The following TENM3 variants were observed in gnomAD, a reference collection of about 807,000 sequenced individuals.
TENM3 encodes the protein teneurin transmembrane protein 3.
Under a neutral mutation model 255.1 loss-of-function variants are expected in TENM3, and 63 were observed. The observed-to-expected ratio is 0.25, with a 90% CI of 0.20 to 0.30. TENM3 has a LOEUF of 0.30. TENM3 is among the 10% of genes least tolerant of loss of function. TENM3 has a pLI of 1.00. For synonymous variants in TENM3, 1,306 were observed against 1,322.3 expected (o/e 0.99, Z 0.27); for missense variants, 2,929 against 3,461.1 (o/e 0.85, Z 3.86).
At chr4:181,999,661 A>G in the TENM3 span, among the ~76,000 whole-genome samples, 1 of 152,184 alleles carries the variant, frequency 6.6e-6, no homozygotes, top group African/African-American at 2.4e-5. Context: ...ATGAAGGGGA[A>G]GACCTCCAGG....
chr4:182,764,263 T>C (rs1231021863), intron 22 of TENM3, among the ~76,000 whole-genome samples: 1 of 152,240 alleles, frequency 6.6e-6, no homozygotes, highest in Non-Finnish European at 1.5e-5. Context: ...TTTCCTGGCA[T>C]TCATTCATTC....
At chr4:182,333,689 C>A (rs1187943462) in intron 2 of TENM3, among the ~76,000 whole-genome samples, 2 of 152,080 alleles carry the variant, frequency 1.3e-5, no homozygotes, top group Non-Finnish European at 2.9e-5. Context: ...CCTATTCTCA[C>A]AATTATTATT....
chr4:181,847,942 A>C, the TENM3 span, among the ~76,000 whole-genome samples: 2 of 152,188 alleles, frequency 1.3e-5, no homozygotes, highest in Admixed American at 6.5e-5. Context: ...TAAAATTCAC[A>C]ATGTCGGTCC....
chr4:182,520,248 C>A (rs1738431601), intron 3 of TENM3, among the ~76,000 whole-genome samples: 1 of 152,050 alleles, frequency 6.6e-6, no homozygotes, highest in Non-Finnish European at 1.5e-5. Context: ...TCATAAGATA[C>A]AAGACCAGTA....
At chr4:181,856,185 G>A in the TENM3 span, among the ~76,000 whole-genome samples, 5 of 150,330 alleles carry the variant, frequency 3.3e-5, no homozygotes, top group South Asian at 6.4e-4. Context: ...AGGGAAGGAA[G>A]GGAGGGAGGG....
At chr4:181,966,050 T>C in the TENM3 span, among the ~76,000 whole-genome samples, 1 of 152,216 alleles carries the variant, frequency 6.6e-6, no homozygotes, top group Non-Finnish European at 1.5e-5. Flanking sequence ...CTTTTATCAA[T>C]TTCTTAAAAT....
chr4:181,558,749 T>A, the TENM3 span, among the ~76,000 whole-genome samples: 402 of 152,332 alleles, frequency 2.6e-3, 1 homozygote, highest in African/African-American at 8.8e-3. Context: ...TATCACCAAC[T>A]GCAATATGGC....
chr4:181,524,735 T>A, the TENM3 span, among the ~76,000 whole-genome samples: 6 of 152,126 alleles, frequency 3.9e-5, no homozygotes, highest in Non-Finnish European at 7.4e-5. Flanking sequence ...CTGTTTTGTT[T>A]TCTGTGCTTG....
intron 3 of TENM3, among the ~76,000 whole-genome samples, chr4:182,396,933 AC>A (rs1361636260): frequency 4.6e-5 from 7 of 151,368 alleles, no homozygotes; most frequent in African/African-American, 1.7e-4. Context: ...CTGCCCTCCA[AC>A]CTAGGTGACA....
At chr4:182,272,430 A>C (rs910397228) in intron 1 of TENM3, among the ~76,000 whole-genome samples, 1 of 152,214 alleles carries the variant, frequency 6.6e-6, no homozygotes, top group Non-Finnish European at 1.5e-5. Context: ...AAAGAAACAA[A>C]TGAAATGAGA....
At chr4:181,910,048 AAAT>A in the TENM3 span, among the ~76,000 whole-genome samples, 7 of 152,234 alleles carry the variant, frequency 4.6e-5, no homozygotes, top group African/African-American at 7.2e-5. Flanking sequence ...TTTATAAAGA[AAAT>A]AAAACGTATG....
chr4:181,949,890 C>T, the TENM3 span, among the ~76,000 whole-genome samples: 8 of 152,114 alleles, frequency 5.3e-5, no homozygotes, highest in African/African-American at 1.9e-4. Flanking sequence ...GTTCCTCTCC[C>T]TCAAATTCAC....
chr4:181,716,104 A>C, the TENM3 span, among the ~76,000 whole-genome samples: 1 of 152,234 alleles, frequency 6.6e-6, no homozygotes, highest in African/African-American at 2.4e-5. Context: ...GGAAGCATCT[A>C]TGTTTGGATT....
intron 24 of TENM3, among the ~76,000 whole-genome samples, chr4:182,777,700 GAC>G (rs2152804274): frequency 6.6e-6 from 1 of 150,708 alleles, no homozygotes; most frequent in South Asian, 2.1e-4. Flanking sequence ...TAGGACTACA[GAC>G]ACACGCCACC....
chr4:182,150,981 T>C (rs1440171804), intron 1 of TENM3, among the ~76,000 whole-genome samples: 2 of 152,100 alleles, frequency 1.3e-5, no homozygotes, highest in Non-Finnish European at 1.5e-5. Context: ...GAATGAATTA[T>C]TTCCTCTTGA....
the TENM3 span, among the ~76,000 whole-genome samples, chr4:181,901,984 G>T: frequency 1.3e-5 from 2 of 151,962 alleles, no homozygotes; most frequent in African/African-American, 4.8e-5. Flanking sequence ...TAACAAAGAA[G>T]CACATTACAG....
chr4:181,812,422 T>C, the TENM3 span, among the ~76,000 whole-genome samples: 343 of 152,354 alleles, frequency 2.3e-3, 1 homozygote, highest in African/African-American at 8.0e-3. Context: ...TTTCTGATAC[T>C]ACTTCAATGC....
the TENM3 span, among the ~76,000 whole-genome samples, chr4:181,941,653 CTTT>C: frequency 1.0e-3 from 154 of 152,270 alleles, 2 homozygotes; most frequent in East Asian, 0.025. Flanking sequence ...TTCATCTTTT[CTTT>C]TCATCTGATC....
intron 3 of TENM3, among the ~76,000 whole-genome samples, chr4:182,458,201 A>G (rs1774022451): frequency 6.6e-6 from 1 of 152,198 alleles, no homozygotes; most frequent in Admixed American, 6.5e-5. Context: ...TCTAGCAAGG[A>G]TTAGCATCAT....
Sources: allele counts gnomAD v4.1 joint callset (sites outside exome capture counted in the v4.1 genomes callset), GRCh38; gene constraint gnomAD v4.1.1; transcripts MANE v1.5; gene names NCBI Gene and HGNC (gene_info 2026-07-23, HGNC 2026-07-21).